The following C1QTNF3 variants were observed in gnomAD, a reference collection of about 807,000 sequenced individuals.
The protein encoded by C1QTNF3 is complement C1q tumor necrosis factor-related protein 3.
C1QTNF3 carries 26 observed loss-of-function variants against 32.6 expected under a neutral mutation model. The ratio of observed to expected loss-of-function variants is 0.80; its 90% confidence interval spans 0.58 to 1.11. The LOEUF is 1.11. Among genes scored for constraint, C1QTNF3 ranks in the 50% least tolerant of loss-of-function variants. The probability of loss-of-function intolerance (pLI) is 0.00; values close to 1 mark genes in which losing one functional copy is unlikely to be tolerated. For missense variants in C1QTNF3, 362 were observed against 398.2 expected (o/e 0.91, Z 0.77); for synonymous variants, 155 against 146.0 (o/e 1.06, Z -0.44).
the C1QTNF3 span, chr5:34,175,743 C>T: frequency 1.6e-6 from 1 of 644,742 alleles, no homozygotes. Context: ...ATTCTTACAG[C>T]CAAAATGTCC....
chr5:34,088,947 T>C, the C1QTNF3 span, among the ~76,000 whole-genome samples: 4 of 152,020 alleles, frequency 2.6e-5, no homozygotes, highest in Non-Finnish European at 5.9e-5. Flanking sequence ...TATTTTTTTT[T>C]GATAACCTCC....
the C1QTNF3 span, among the ~76,000 whole-genome samples, chr5:34,055,411 G>C: frequency 1.3e-5 from 2 of 152,170 alleles, no homozygotes; most frequent in East Asian, 3.8e-4. Flanking sequence ...AAAGTATATA[G>C]ATACTGCACA....
At chr5:34,021,592 G>A (rs1189805534) in intron 5 of C1QTNF3, among the ~76,000 whole-genome samples, 1 of 152,170 alleles carries the variant, frequency 6.6e-6, no homozygotes, top group African/African-American at 2.4e-5. Context: ...AAAAAAGAAT[G>A]AGTTCATGCC....
the C1QTNF3 span, among the ~76,000 whole-genome samples, chr5:34,077,856 T>C: frequency 6.6e-6 from 1 of 151,436 alleles, no homozygotes; most frequent in African/African-American, 2.5e-5. Context: ...CAGCAGGACG[T>C]GACGTTAACC....
chr5:34,171,405 T>C, the C1QTNF3 span, among the ~76,000 whole-genome samples: 2 of 151,860 alleles, frequency 1.3e-5, no homozygotes, highest in East Asian at 3.9e-4. Flanking sequence ...ATTCCTGAAA[T>C]TAAATACTAG....
chr5:34,142,896 G>T, the C1QTNF3 span, among the ~76,000 whole-genome samples: 1 of 152,182 alleles, frequency 6.6e-6, no homozygotes, highest in Non-Finnish European at 1.5e-5. Flanking sequence ...ACTTCCAAAG[G>T]AGTCCACTAG....
chr5:34,032,853 A>C (rs1283971895), intron 3 of C1QTNF3, among the ~76,000 whole-genome samples: 2 of 152,172 alleles, frequency 1.3e-5, no homozygotes, highest in Non-Finnish European at 2.9e-5. Context: ...AATATATATC[A>C]ATATTTATGT....
chr5:34,197,825 C>G, the C1QTNF3 span, among the ~76,000 whole-genome samples: 1 of 152,060 alleles, frequency 6.6e-6, no homozygotes, highest in Admixed American at 6.5e-5. Flanking sequence ...GGTGCAAAAT[C>G]AAGGTGCTTG....
At chr5:34,148,012 G>C in the C1QTNF3 span, among the ~76,000 whole-genome samples, 7 of 152,236 alleles carry the variant, frequency 4.6e-5, no homozygotes, top group Admixed American at 1.3e-4. Context: ...CCATGCGCGA[G>C]CCGAAGCAGG....
At chr5:34,119,383 A>G in the C1QTNF3 span, among the ~76,000 whole-genome samples, 1 of 152,208 alleles carries the variant, frequency 6.6e-6, no homozygotes, top group Non-Finnish European at 1.5e-5. Context: ...ATTAGATGTC[A>G]GGGACATAGT....
chr5:34,233,628 CATT>C, the C1QTNF3 span, among the ~76,000 whole-genome samples: 2 of 152,082 alleles, frequency 1.3e-5, no homozygotes, highest in African/African-American at 4.8e-5. Flanking sequence ...CCATCCTTAA[CATT>C]ATAATACTTG....
the C1QTNF3 span, among the ~76,000 whole-genome samples, chr5:34,133,264 TAGAA>T: frequency 2.0e-5 from 3 of 152,270 alleles, no homozygotes; most frequent in African/African-American, 7.2e-5. Context: ...GGGTAATTGT[TAGAA>T]AGAATCAACA....
At chr5:34,022,898 C>CA (rs1257244588) in intron 5 of C1QTNF3, among the ~76,000 whole-genome samples, 1 of 152,138 alleles carries the variant, frequency 6.6e-6, no homozygotes, top group African/African-American at 2.4e-5. Flanking sequence ...CTCTGTCGCC[C>CA]AGGCTGGAGT....
At chr5:34,221,493 CAT>C in the C1QTNF3 span, among the ~76,000 whole-genome samples, 11 of 152,082 alleles carry the variant, frequency 7.2e-5, no homozygotes, top group African/African-American at 2.4e-4. Context: ...ACGAGTGACA[CAT>C]AGTTCTGAAT....
chr5:34,203,392 A>G, the C1QTNF3 span, among the ~76,000 whole-genome samples: 1 of 152,240 alleles, frequency 6.6e-6, no homozygotes, highest in South Asian at 2.1e-4. Context: ...AAATATATAG[A>G]TTGATAGATA....
chr5:34,162,173 A>G, the C1QTNF3 span, among the ~76,000 whole-genome samples: 4 of 152,148 alleles, frequency 2.6e-5, no homozygotes, highest in Non-Finnish European at 5.9e-5. Flanking sequence ...ATAATGAACC[A>G]TGGTTCATGG....
In C1QTNF3 at chr5:34,017,884, T is replaced by A. The variant is rs980044841; in HGVS notation, c.*2699A>T. On this transcript the variant is annotated 3_prime_UTR_variant, in exon 6 of 6. Transcript: ENST00000382065. ...TATATGCACACATAGTTTATTTTTT[T>A]AAAAAGAGAATGCTCATGACATATT... Among the ~76,000 whole-genome samples the A allele has an allele frequency of 1.3e-5, 2 of 151,618 alleles. No homozygotes were observed.
the C1QTNF3 span, among the ~76,000 whole-genome samples, chr5:34,073,049 C>A: frequency 6.6e-6 from 1 of 152,062 alleles, no homozygotes; most frequent in South Asian, 2.1e-4. Flanking sequence ...TAATTGTGGC[C>A]GGGCGCGGTG....
the C1QTNF3 span, among the ~76,000 whole-genome samples, chr5:34,084,622 T>A: frequency 2.9e-3 from 437 of 151,080 alleles, 20 homozygotes; most frequent in African/African-American, 0.01. Flanking sequence ...AGACTGAAAC[T>A]CAGGGAACAG....
Sources: gnomAD v4.1 joint callset for allele counts (sites outside exome capture counted in the v4.1 genomes callset) on GRCh38, gnomAD v4.1.1 for gene constraint, MANE v1.5 for transcripts, NCBI Gene and HGNC (gene_info 2026-07-23, HGNC 2026-07-21) for gene names.